LRRC4C: variants seen among roughly 807,000 people sequenced by gnomAD.
LRRC4C encodes leucine rich repeat containing 4C.
In LRRC4C, 5 loss-of-function variants were observed where a neutral mutation model predicts 33.6. The ratio of observed to expected loss-of-function variants is 0.15; its 90% confidence interval spans 0.08 to 0.31. LRRC4C has a LOEUF of 0.31. Ranked by LOEUF, LRRC4C falls within the 10% of genes least tolerant of loss-of-function variation. The pLI is 1.00. For synonymous variants in LRRC4C, 329 were observed against 302.0 expected, an observed-to-expected ratio of 1.09 and a Z score of -0.93; for missense variants, 560 against 796.7, an observed-to-expected ratio of 0.70 and a Z score of 3.58.
Position 40,600,347 on chromosome 11 carries a change from G to A in LRRC4C, c.-270+47795C>T, listed in dbSNP as rs114905012. On this transcript the variant is annotated intron_variant, in intron 3 of 6. Transcript: ENST00000528697. ...AAAAGAGTTAACTGAGGCTTACAGA[G>A]ATTATGTCAACTGTCCAAAGTAACA... Among the ~76,000 whole-genome samples, 1,362 of 152,268 alleles carry A rather than the reference G, an allele frequency of 8.9e-3. 23 individuals are homozygous for A. The highest frequency in any genetic ancestry group is 0.032 in the African/African-American group (1,320 of 41,548).
intron 1 of LRRC4C, among the ~76,000 whole-genome samples, chr11:41,036,630 C>T (rs1857085356): frequency 6.8e-6 from 1 of 147,122 alleles, no homozygotes; most frequent in African/African-American, 2.5e-5. Context: ...CAGCACCAAC[C>T]AACACAGGTG....
intron 1 of LRRC4C, among the ~76,000 whole-genome samples, chr11:41,277,986 A>T (rs1000135873): frequency 1.3e-5 from 2 of 152,058 alleles, no homozygotes; most frequent in African/African-American, 4.8e-5. Flanking sequence ...AAAATAGTTG[A>T]TCTCATAGCA....
intron 4 of LRRC4C, among the ~76,000 whole-genome samples, chr11:40,244,295 C>T (rs982239433): frequency 1.3e-4 from 20 of 152,120 alleles, no homozygotes; most frequent in African/African-American, 4.8e-4. Context: ...ACTTCAGCCC[C>T]CCATCTGAGC....
chr11:41,111,167 C>T (rs1451770483), intron 1 of LRRC4C, among the ~76,000 whole-genome samples: 2 of 152,046 alleles, frequency 1.3e-5, no homozygotes, highest in East Asian at 3.9e-4. Context: ...AGAATTTATG[C>T]CTTATCCAAA....
chr11:41,109,419 T>C (rs1941700590), intron 1 of LRRC4C, among the ~76,000 whole-genome samples: 1 of 152,066 alleles, frequency 6.6e-6, no homozygotes. Context: ...AGATATACTG[T>C]TATAGAAAGA....
At chr11:40,326,221 C>A (rs1946095346) in intron 3 of LRRC4C, among the ~76,000 whole-genome samples, 1 of 152,148 alleles carries the variant, frequency 6.6e-6, no homozygotes. Context: ...GAGGGCATAG[C>A]TAACCCTCAC....
intron 1 of LRRC4C, among the ~76,000 whole-genome samples, chr11:41,127,328 C>CT (rs1207063197): frequency 6.6e-6 from 1 of 151,398 alleles, no homozygotes; most frequent in Non-Finnish European, 1.5e-5. Context: ...ATTCAAACTC[C>CT]TTACTTCTTT....
At chr11:40,534,506 G>T (rs560004485) in intron 3 of LRRC4C, among the ~76,000 whole-genome samples, 106 of 152,248 alleles carry the variant, frequency 7.0e-4, no homozygotes, top group African/African-American at 2.5e-3. Context: ...GTGTGGCACT[G>T]CCTAGACACT....
At position 40,114,271 on chromosome 11, in the gene LRRC4C, C is replaced by T. The variant is rs1004038605; in HGVS notation, c.*99G>A. 8 of 1,281,218 alleles carry T rather than the reference C, an allele frequency of 6.2e-6. No homozygotes were observed. Among genetic ancestry groups the T allele is most frequent in the Non-Finnish European group, 8.3e-6 (8 of 961,450 alleles). 79.4% of individuals were successfully genotyped at this position (1,281,218 alleles called of 1,614,324 possible). On this transcript the variant is annotated 3_prime_UTR_variant, in exon 7 of 7. Coordinates refer to ENST00000528697, the MANE Select transcript of LRRC4C (RefSeq NM_001258419.2). ...TTTCTTTTTTGTTTTTTTGTAAAGACACTTTTTTGAAACAGTAGATTTAGC... is the reference window on the plus strand; with the variant it reads ...TTTCTTTTTTGTTTTTTTGTAAAGATACTTTTTTGAAACAGTAGATTTAGC...
intron 1 of LRRC4C, among the ~76,000 whole-genome samples, chr11:41,026,721 T>A (rs541498664): frequency 6.6e-6 from 1 of 151,576 alleles, no homozygotes; most frequent in East Asian, 1.9e-4. Flanking sequence ...GCCATCGACA[T>A]TGAGAAAAGA....
At position 40,114,678 on chromosome 11, in the gene LRRC4C, T is replaced by A; in HGVS notation, c.1615A>T (p.Met539Leu). The A allele has an allele frequency of 6.2e-7, 1 of 1,614,174 alleles. No homozygotes were observed. The highest frequency in any genetic ancestry group is 8.5e-7 in the Non-Finnish European group (1 of 1,180,042). The change falls in exon 7 of 7, where the codon ATG becomes TTG. Residue 539 changes from methionine to leucine, a missense_variant. Coordinates refer to ENST00000528697, the MANE Select transcript of LRRC4C (RefSeq NM_001258419.2). ...IIGCFVAITL[M>L]AAVMLVIFYK... ...AAAATGACCAGCATCACTGCAGCCA[T>A]GAGTGTGATGGCCACAAAACACCCA...
chr11:40,651,560 A>G (rs1942803307), intron 2 of LRRC4C, among the ~76,000 whole-genome samples: 1 of 152,198 alleles, frequency 6.6e-6, no homozygotes, highest in Non-Finnish European at 1.5e-5. Flanking sequence ...TCTATAAGCT[A>G]GGTACCAGTT....
chr11:40,215,771 C>G (rs1218739968), intron 5 of LRRC4C, among the ~76,000 whole-genome samples: 3 of 152,084 alleles, frequency 2.0e-5, no homozygotes, highest in African/African-American at 7.2e-5. Context: ...AACACAAAGG[C>G]AGTCTGGGAG....
At chr11:40,649,494 T>C (rs543674299) in intron 2 of LRRC4C, among the ~76,000 whole-genome samples, 3 of 152,318 alleles carry the variant, frequency 2.0e-5, no homozygotes, top group South Asian at 2.1e-4. Context: ...CCTTGTTCCC[T>C]GAAAATCACT....
chr11:40,324,580 T>C (rs1489997192), intron 3 of LRRC4C, among the ~76,000 whole-genome samples: 2 of 152,332 alleles, frequency 1.3e-5, no homozygotes, highest in East Asian at 3.9e-4. Context: ...GCACCAGGGA[T>C]AGTATTAGAT....
At chr11:41,299,890 A>G (rs1031620922) in intron 1 of LRRC4C, among the ~76,000 whole-genome samples, 7 of 152,146 alleles carry the variant, frequency 4.6e-5, no homozygotes, top group Non-Finnish European at 8.8e-5. Flanking sequence ...ACTGGACCAA[A>G]ATAAACAAAC....
rs78886019 is a variant in LRRC4C, at chr11:41,370,832, C to T, written c.-496+88599G>A. Among the ~76,000 whole-genome samples the T allele has an allele frequency of 6.8e-3, 1,032 of 152,234 alleles. 15 individuals are homozygous for T. The highest frequency in any genetic ancestry group is 9.7e-3 in the Non-Finnish European group (658 of 68,020). On this transcript the variant is annotated intron_variant, in intron 1 of 6. Transcript: ENST00000528697. The stretch of plus-strand genomic sequence containing the variant: ...CTAGGATTATAGGCATGAGCTACCA[C>T]GCTTGGCCCACGTTATTTAAATGAA...
intron 1 of LRRC4C, among the ~76,000 whole-genome samples, chr11:41,382,926 T>A (rs1258368680): frequency 2.0e-5 from 3 of 152,054 alleles, no homozygotes; most frequent in Non-Finnish European, 4.4e-5. Flanking sequence ...TTCAGCAGAT[T>A]TGGTGAAAAA....
At chr11:40,917,544 A>G (rs112713263) in intron 2 of LRRC4C, among the ~76,000 whole-genome samples, 5,139 of 152,200 alleles carry the variant, frequency 0.034, 111 homozygotes, top group Middle Eastern at 0.065. Flanking sequence ...TAACATTATA[A>G]CAACAGACAC....
Sources: gnomAD v4.1 joint callset for allele counts (sites outside exome capture counted in the v4.1 genomes callset) on GRCh38, gnomAD v4.1.1 for gene constraint, MANE v1.5 for transcripts, NCBI Gene and HGNC (gene_info 2026-07-23, HGNC 2026-07-21) for gene names.